ZZEF1: variants seen among roughly 807,000 people sequenced by gnomAD.
The protein encoded by ZZEF1 is zinc finger ZZ-type and EF-hand domain containing 1, also known as zinc finger ZZ-type and EF-hand domain-containing protein 1.
ZZEF1 carries 157 observed loss-of-function variants against 342.8 expected under a neutral mutation model. The ratio of observed to expected loss-of-function variants is 0.46; its 90% CI spans 0.40 to 0.52. The LOEUF (loss-of-function observed/expected upper bound fraction) is 0.52. Among genes scored for constraint, ZZEF1 ranks in the 20% least tolerant of loss-of-function variants. The probability of loss-of-function intolerance (pLI) is 0.00; values close to 1 mark genes in which losing one functional copy is unlikely to be tolerated. For missense variants in ZZEF1, 3,480 were observed against 3,725.6 expected, an observed-to-expected ratio of 0.93 and a Z score of 1.72; for synonymous variants, 1,505 against 1,429.1, an observed-to-expected ratio of 1.05 and a Z score of -1.20.
At chr17:4,102,535 G>C in intron 8 of ZZEF1, 120 bp from the exon 9 acceptor site, 4 of 788,812 alleles carry the variant, frequency 5.1e-6, no homozygotes, top group Non-Finnish European at 8.3e-6. Flanking sequence ...AAATCTCCCT[G>C]TTTAAAAGCT....
At chr17:4,103,144 A>G (rs564690215) in intron 8 of ZZEF1, among the ~76,000 whole-genome samples, 56 of 152,178 alleles carry the variant, frequency 3.7e-4, no homozygotes, top group African/African-American at 1.3e-3. Flanking sequence ...GACCAGTGCA[A>G]CCCCCAACCA....
At chr17:4,123,281 A>ATC (rs1464411414) in intron 2 of ZZEF1, among the ~76,000 whole-genome samples, 2 of 93,092 alleles carry the variant, frequency 2.1e-5, no homozygotes, top group Non-Finnish European at 4.6e-5. Context: ...ATATATATAT[A>ATC]TATATATATA....
rs116222117 is a variant in ZZEF1, at chr17:4,107,045, T to C, written c.1278-1236A>G. ...CACAGATGCAGCTGATCAGTGAGGT[T>C]TAATGCACACAAGTAGCATGCGATC... On this transcript the variant is annotated intron_variant, in intron 6 of 54. Coordinates refer to ENST00000381638, the MANE Select transcript of ZZEF1 (RefSeq NM_015113.4). Among the ~76,000 whole-genome samples the C allele has an allele frequency of 8.5e-3, 1,294 of 152,344 alleles. 16 individuals carry two copies. The highest frequency in any genetic ancestry group is 0.03 in the African/African-American group (1,235 of 41,570).
intron 1 of ZZEF1, among the ~76,000 whole-genome samples, chr17:4,127,129 C>A (rs112766826): frequency 0.08 from 12,084 of 151,990 alleles, 548 homozygotes; most frequent in South Asian, 0.14. Context: ...CCTCAGCCTC[C>A]CAAGTAGCTG....
At chr17:4,109,623 G>C (rs752159741) in intron 6 of ZZEF1, 30 bp downstream of exon 6, 20 of 1,609,562 alleles carry the variant, frequency 1.2e-5, no homozygotes, top group African/African-American at 2.7e-5. Flanking sequence ...GGCATGTTGA[G>C]GGGGCTGGAA....
Position 4,092,982 on chromosome 17 carries a change from G to T in ZZEF1, c.1914-2152C>A, listed in dbSNP as rs75668129. On this transcript the variant is annotated intron_variant, in intron 11 of 54. Transcript: ENST00000381638. ...ACCAAAAAAAAAAAAAAGGCAAAAAGAAAATGCATGCACATTAATATTTTG... is the reference window on the plus strand; with the variant it reads ...ACCAAAAAAAAAAAAAAGGCAAAAATAAAATGCATGCACATTAATATTTTG... Among the ~76,000 whole-genome samples, 1,289 of 148,038 alleles carry T rather than the reference G, an allele frequency of 8.7e-3. 16 individuals are homozygous for T. The highest frequency in any genetic ancestry group is 0.03 in the African/African-American group (1,231 of 40,700).
At chr17:4,069,651 C>T (rs963813731) in intron 26 of ZZEF1, among the ~76,000 whole-genome samples, 1 of 151,984 alleles carries the variant, frequency 6.6e-6, no homozygotes, top group African/African-American at 2.4e-5. Flanking sequence ...GCCAACAGGG[C>T]GAAACCCCGT....
intron 38 of ZZEF1, among the ~76,000 whole-genome samples, chr17:4,042,977 C>A (rs1039028206): frequency 2.0e-5 from 3 of 152,216 alleles, no homozygotes; most frequent in Admixed American, 6.5e-5. Flanking sequence ...CCACTGCTCC[C>A]GGCCTAAAGC....
chr17:4,058,816 C>T (rs1316539317), intron 31 of ZZEF1, among the ~76,000 whole-genome samples: 1 of 152,152 alleles, frequency 6.6e-6, no homozygotes. Context: ...GTCCAGGCTG[C>T]AGTGAGCCAC....
At chr17:4,051,689 T>G (rs536823534) in intron 35 of ZZEF1, among the ~76,000 whole-genome samples, 69 of 151,386 alleles carry the variant, frequency 4.6e-4, no homozygotes, top group Middle Eastern at 6.8e-3. Flanking sequence ...GTGCTGGGAT[T>G]ACAGGCGTGA....
At chr17:4,064,856 A>G (rs1015874555) in intron 28 of ZZEF1, 27 bp from the exon 29 acceptor site, 6 of 1,012,168 alleles carry the variant, frequency 5.9e-6, no homozygotes, top group South Asian at 3.5e-5. Flanking sequence ...ATCATAATTG[A>G]AAAAAAAAAA....
At chr17:4,122,539 C>T (rs1198345397) in intron 2 of ZZEF1, among the ~76,000 whole-genome samples, 2 of 151,982 alleles carry the variant, frequency 1.3e-5, no homozygotes, top group East Asian at 3.9e-4. Flanking sequence ...ACCAACATGC[C>T]CAGCTAATTT....
rs1306950379 is a variant in ZZEF1, at chr17:4,040,022, G to A, written c.6306+2407C>T. On this transcript the variant is annotated intron_variant, in intron 39 of 54. Transcript: ENST00000381638. ...TTATTTTGACACGGTCTAATGAAAC[G>A]TCTGAATTCCAAGGGTTAAAAAAAG... 3.9e-5 allele frequency among the ~76,000 whole-genome samples: 6 copies of A among 151,994 alleles called. No individual in the cohort carries two copies. In the East Asian group the frequency reaches 5.8e-4, roughly 15 times the overall value.
At chr17:4,043,354 G>T (rs1308660732) in intron 38 of ZZEF1, among the ~76,000 whole-genome samples, 1 of 152,204 alleles carries the variant, frequency 6.6e-6, no homozygotes, top group African/African-American at 2.4e-5. Flanking sequence ...GAATTTTGAT[G>T]ATTTGGATTG....
At chr17:4,121,299 T>C (rs1328368778) in intron 2 of ZZEF1, among the ~76,000 whole-genome samples, 1 of 151,778 alleles carries the variant, frequency 6.6e-6, no homozygotes, top group Non-Finnish European at 1.5e-5. Context: ...AAAAGTGGAG[T>C]AGTATGTAAA....
At chr17:4,067,922 T>C (rs1555596488) in intron 26 of ZZEF1, among the ~76,000 whole-genome samples, 1 of 151,734 alleles carries the variant, frequency 6.6e-6, no homozygotes, top group Non-Finnish European at 1.5e-5. Flanking sequence ...CTACAAAAAA[T>C]AAAAAATTGT....
intron 52 of ZZEF1, among the ~76,000 whole-genome samples, chr17:4,012,531 G>A (rs2055989944): frequency 6.6e-6 from 1 of 152,194 alleles, no homozygotes; most frequent in Non-Finnish European, 1.5e-5. Context: ...GGAGGGTTCT[G>A]AGCAAGGAGG....
At chr17:4,053,252 C>A (rs1166681021) in intron 34 of ZZEF1, among the ~76,000 whole-genome samples, 1 of 152,156 alleles carries the variant, frequency 6.6e-6, no homozygotes, top group African/African-American at 2.4e-5. Flanking sequence ...GTCCCACAGT[C>A]GGGGGCCCCA....
intron 36 of ZZEF1, among the ~76,000 whole-genome samples, chr17:4,050,347 C>T (rs1474206044): frequency 6.6e-6 from 1 of 152,120 alleles, no homozygotes; most frequent in East Asian, 1.9e-4. Flanking sequence ...TTTCTTCCCA[C>T]CACTCCTTAG....
Sources: allele counts gnomAD v4.1 joint callset (sites outside exome capture counted in the v4.1 genomes callset), GRCh38; gene constraint gnomAD v4.1.1; transcripts MANE v1.5; gene names NCBI Gene and HGNC (gene_info 2026-07-23, HGNC 2026-07-21).